The following SS18 variants were observed in gnomAD, a reference collection of about 807,000 sequenced individuals.
SS18 encodes protein SSXT.
SS18 carries 28 observed loss-of-function variants against 72.5 expected under a neutral mutation model. The ratio of observed to expected loss-of-function variants is 0.39; its 90% CI spans 0.29 to 0.53. The LOEUF (loss-of-function observed/expected upper bound fraction) is 0.53, where lower values mean the gene tolerates loss of function less well. Among genes scored for constraint, SS18 ranks in the 20% least tolerant of loss-of-function variants. The probability of loss-of-function intolerance (pLI) is 0.76; values close to 1 mark genes in which losing one functional copy is unlikely to be tolerated. For missense variants in SS18, 518 were observed against 535.3 expected (o/e 0.97, Z 0.32); for synonymous variants, 172 against 164.2 (o/e 1.05, Z -0.37).
At chr18:26,069,901 T>C (rs2054284311) in intron 3 of SS18, among the ~76,000 whole-genome samples, 1 of 152,218 alleles carries the variant, frequency 6.6e-6, no homozygotes, top group Admixed American at 6.5e-5. Flanking sequence ...CAGTAACTAA[T>C]ATGAAATTAA....
At chr18:26,088,056 A>G (rs377105367) in intron 1 of SS18, among the ~76,000 whole-genome samples, 6 of 152,172 alleles carry the variant, frequency 3.9e-5, no homozygotes, top group African/African-American at 1.4e-4. Context: ...AATATATATG[A>G]CAGCTCACCG....
intron 1 of SS18, among the ~76,000 whole-genome samples, chr18:26,088,739 C>T (rs1247745321): frequency 6.6e-6 from 1 of 152,196 alleles, no homozygotes; most frequent in African/African-American, 2.4e-5. Context: ...TCAGGATATG[C>T]TCCTCCAGAA....
At chr18:26,044,260 T>C (rs1430479422) in intron 5 of SS18, among the ~76,000 whole-genome samples, 1 of 152,178 alleles carries the variant, frequency 6.6e-6, no homozygotes, top group Non-Finnish European at 1.5e-5. Flanking sequence ...ATTTGCCTAA[T>C]AATTTAAAAT....
intron 3 of SS18, among the ~76,000 whole-genome samples, chr18:26,066,158 T>A (rs1253608145): frequency 6.6e-6 from 1 of 152,048 alleles, no homozygotes; most frequent in Non-Finnish European, 1.5e-5. Flanking sequence ...ATTTAAGGTA[T>A]GTCTTCCCCA....
At position 26,035,731 on chromosome 18, in the gene SS18, T is replaced by G. The variant is rs1444593370; in HGVS notation, c.973+100A>C. ...TTTCAAGAAAGCCAGCAACTAGTAT[T>G]CTACAAGAGCTTTGCATGGGTAGAA... On this transcript the variant is annotated intron_variant, in intron 8 of 10. Transcript: ENST00000415083. This position sits in a 1 kb window ranked among gnomAD's most constrained non-coding sequence, Gnocchi z 4.4. 1.2e-5 allele frequency: 8 copies of G among 677,544 alleles called. No homozygotes were observed. Among genetic ancestry groups the G allele is most frequent in the Non-Finnish European group, 1.8e-5 (8 of 437,018 alleles). The allele number at this position is 677,544 out of a possible 1,614,324, so 42.0% of individuals were successfully genotyped here. A position where few individuals can be genotyped will look rare whatever the true frequency, so the allele number is the denominator to read the frequency against.
chr18:26,044,041 C>G (rs981583115), intron 5 of SS18, among the ~76,000 whole-genome samples: 14 of 152,170 alleles, frequency 9.2e-5, no homozygotes, highest in Non-Finnish European at 1.5e-4. Flanking sequence ...GCAGTTTTGT[C>G]CCTCAGGGGA....
intron 3 of SS18, chr18:26,064,973 T>C (rs950106784): frequency 6.6e-6 from 1 of 151,974 alleles, no homozygotes; most frequent in Non-Finnish European, 1.5e-5. Context: ...GAAAGTGAAA[T>C]TTAAAAACTG....
chr18:26,056,327 A>AG (rs2054020194), intron 4 of SS18, among the ~76,000 whole-genome samples: 1 of 152,236 alleles, frequency 6.6e-6, no homozygotes, highest in Non-Finnish European at 1.5e-5. Context: ...CTGCACTATC[A>AG]CTACCTTTCC....
At chr18:26,055,723 G>A (rs944849938) in intron 4 of SS18, among the ~76,000 whole-genome samples, 6 of 149,718 alleles carry the variant, frequency 4.0e-5, no homozygotes, top group African/African-American at 1.5e-4. Context: ...CTGTAACTCC[G>A]TAACTATTGT....
At chr18:26,045,945 G>C (rs2053812572) in intron 5 of SS18, among the ~76,000 whole-genome samples, 1 of 152,092 alleles carries the variant, frequency 6.6e-6, no homozygotes, top group Non-Finnish European at 1.5e-5. Context: ...CCAGTACTTT[G>C]GGAGGCCTAG....
rs774222939 is a variant in SS18 at position 26,090,494 on chromosome 18, G to A, written c.69+7C>T. The A allele has an allele frequency of 8.9e-6, 14 of 1,566,728 alleles. 1 individual carries two copies. The South Asian group carries it at 1.6e-4, about 18-fold the overall frequency. The stretch of plus-strand genomic sequence containing the variant: ...GGCCTGGCATCCGCAACCCCGCGCG[G>A]TTTCACCTTCTGAATCGCAGCGGGA... On this transcript the variant is annotated splice_region_variant and intron_variant, in intron 1 of 10. Coordinates refer to ENST00000415083, the MANE Select transcript of SS18 (RefSeq NM_001007559.3).
intron 5 of SS18, among the ~76,000 whole-genome samples, chr18:26,044,166 A>C (rs1238867968): frequency 6.6e-6 from 1 of 152,194 alleles, no homozygotes; most frequent in Non-Finnish European, 1.5e-5. Flanking sequence ...AAGAAAAATA[A>C]TTAAACACAT....
intron 3 of SS18, among the ~76,000 whole-genome samples, chr18:26,071,103 G>C (rs1269618952): frequency 6.6e-6 from 1 of 152,084 alleles, no homozygotes; most frequent in Non-Finnish European, 1.5e-5. Context: ...AAGGGATTAA[G>C]AAACATAAAG....
rs35011668 is a variant in SS18 at position 26,066,600 on chromosome 18, GCACA to G, written c.232-8862_232-8859del. The stretch of plus-strand genomic sequence containing the variant: ...TTTTAATATAGTTCTGGAAATTTGT[GCACA>G]CACACACACACACACACACACACAC... On this transcript the variant is annotated intron_variant, in intron 3 of 10. Coordinates refer to ENST00000415083, the MANE Select transcript of SS18 (RefSeq NM_001007559.3). 3.0e-3 allele frequency among the ~76,000 whole-genome samples: 434 copies of G among 144,406 alleles called. 2 individuals carry two copies. Among genetic ancestry groups the G allele is most frequent in the South Asian group, 4.9e-3 (22 of 4,530 alleles). 94.7% of individuals were successfully genotyped at this position (144,406 alleles called of 152,430 possible).
Position 26,058,189 on chromosome 18 carries a change from T to C in SS18, c.232-447A>G, listed in dbSNP as rs114449123. On this transcript the variant is annotated intron_variant, in intron 3 of 10. Coordinates refer to ENST00000415083, the MANE Select transcript of SS18 (RefSeq NM_001007559.3). Reference sequence around the variant, plus strand: ...TACACTATTTCGGGGTGGAGGATAGTGGCAGCAGAGGAATGTTTTAAAACA... The same window carrying C: ...TACACTATTTCGGGGTGGAGGATAGCGGCAGCAGAGGAATGTTTTAAAACA... Among the ~76,000 whole-genome samples the C allele has an allele frequency of 4.0e-3, 602 of 152,312 alleles. 3 individuals carry two copies. Among genetic ancestry groups the C allele is most frequent in the African/African-American group, 0.014 (565 of 41,560 alleles).
chr18:26,048,416 GAGAA>G (rs1312324565), intron 5 of SS18, among the ~76,000 whole-genome samples: 1 of 152,154 alleles, frequency 6.6e-6, no homozygotes, highest in Non-Finnish European at 1.5e-5. Context: ...TTTAAAAAAT[GAGAA>G]AGATCTATAT....
intron 1 of SS18, 87 bp downstream of exon 1, chr18:26,090,414 G>A (rs2054701822): frequency 1.4e-6 from 2 of 1,384,450 alleles, no homozygotes; most frequent in Non-Finnish European, 2.0e-6. Context: ...CCTCGGCCCG[G>A]TCGACTCCGG....
chr18:26,088,702 G>A (rs949256699), intron 1 of SS18, among the ~76,000 whole-genome samples: 1 of 152,106 alleles, frequency 6.6e-6, no homozygotes, highest in Non-Finnish European at 1.5e-5. Flanking sequence ...GTTTTCAGGG[G>A]CTGATTCAGC....
At chr18:26,079,219 T>C (rs1257835202) in intron 2 of SS18, 1 of 152,212 alleles carries the variant, frequency 6.6e-6, no homozygotes, top group Non-Finnish European at 1.5e-5. Flanking sequence ...ATAAAGCAAA[T>C]TCATTATCAG....
Sources: gnomAD v4.1 joint callset for allele counts (sites outside exome capture counted in the v4.1 genomes callset) on GRCh38, gnomAD v4.1.1 for gene constraint, Gnocchi (gnomAD v3.1) non-coding constraint, MANE v1.5 for transcripts, NCBI Gene and HGNC (gene_info 2026-07-23, HGNC 2026-07-21) for gene names.